Variants in CIMAP2 observed in about 807,000 individuals in gnomAD.
CIMAP2 encodes ciliary microtubule associated protein 2.
At chr1:54,836,067 G>T in the CIMAP2 span, among the ~76,000 whole-genome samples, 309 of 152,124 alleles carry the variant, frequency 2.0e-3, 3 homozygotes, top group African/African-American at 7.3e-3. Flanking sequence ...AGGAAGCTCA[G>T]CATGTGGAGT....
At chr1:54,820,252 C>A in the CIMAP2 span, among the ~76,000 whole-genome samples, 3 of 151,626 alleles carry the variant, frequency 2.0e-5, no homozygotes, top group South Asian at 2.1e-4. Flanking sequence ...ACTGCAGCCT[C>A]GACTTCTCAG....
chr1:54,810,425 C>T, the CIMAP2 span, among the ~76,000 whole-genome samples: 1 of 152,202 alleles, frequency 6.6e-6, no homozygotes, highest in Admixed American at 6.5e-5. Context: ...CCTAACACAC[C>T]ATGCAGGGAT....
the CIMAP2 span, chr1:54,811,765 G>GCCGGGGGGGGGCGCCCCCCCCCCCCCC: frequency 7.7e-7 from 1 of 1,301,332 alleles, no homozygotes; most frequent in Non-Finnish European, 1.1e-6. Context: ...GGTTCTGACA[G>GCCGGGGGGGGGCGCCCCCCCCCCCCCC]CCTCCATGCC....
chr1:54,811,337 G>A, the CIMAP2 span, among the ~76,000 whole-genome samples: 6 of 152,168 alleles, frequency 3.9e-5, no homozygotes, highest in Non-Finnish European at 8.8e-5. Context: ...GGAAGCAGGA[G>A]GAAGGCTTCA....
At chr1:54,835,341 G>A in the CIMAP2 span, among the ~76,000 whole-genome samples, 163 of 151,554 alleles carry the variant, frequency 1.1e-3, 1 homozygote, top group African/African-American at 3.7e-3. Context: ...ACAGGTGTGT[G>A]CCACCACGCC....
the CIMAP2 span, chr1:54,808,010 G>T: frequency 1.3e-6 from 2 of 1,561,916 alleles, no homozygotes; most frequent in Non-Finnish European, 1.7e-6. Context: ...GGACTCACTG[G>T]GGTAGGTGTT....
the CIMAP2 span, chr1:54,814,787 G>T: frequency 6.6e-6 from 9 of 1,369,940 alleles, no homozygotes; most frequent in East Asian, 2.1e-4. Context: ...TACCTCCACC[G>T]TCCTTGGCTC....
chr1:54,819,596 C>G, the CIMAP2 span, among the ~76,000 whole-genome samples: 1 of 152,156 alleles, frequency 6.6e-6, no homozygotes, highest in Non-Finnish European at 1.5e-5. Context: ...GTCTTGAACT[C>G]TTGGGCTCAG....
chr1:54,828,325 AT>A, the CIMAP2 span, among the ~76,000 whole-genome samples: 3,864 of 147,772 alleles, frequency 0.026, 148 homozygotes, highest in African/African-American at 0.079. Context: ...AAAGGATTCC[AT>A]TTTTTTTTTT....
chr1:54,813,272 G>T, the CIMAP2 span, among the ~76,000 whole-genome samples: 40 of 152,204 alleles, frequency 2.6e-4, no homozygotes, highest in South Asian at 1.9e-3. Flanking sequence ...ACAGCAGCCT[G>T]GTCTGTTTGC....
At chr1:54,811,766 C>CCGGCCGGGG in the CIMAP2 span, 1 of 1,305,190 alleles carries the variant, frequency 7.7e-7, no homozygotes, top group Non-Finnish European at 1.1e-6. Flanking sequence ...GTTCTGACAG[C>CCGGCCGGGG]CTCCATGCCC....
chr1:54,820,574 C>T, the CIMAP2 span, among the ~76,000 whole-genome samples: 6 of 152,142 alleles, frequency 3.9e-5, no homozygotes, highest in Non-Finnish European at 7.3e-5. Context: ...CCCTTTTCTC[C>T]ACATCCTTGC....
the CIMAP2 span, chr1:54,806,335 C>A: frequency 1.8e-6 from 2 of 1,109,508 alleles, no homozygotes; most frequent in South Asian, 3.4e-5. Flanking sequence ...AGGGCTGAGC[C>A]TGGCGGGGAG....
the CIMAP2 span, among the ~76,000 whole-genome samples, chr1:54,834,220 G>A: frequency 6.6e-6 from 1 of 152,138 alleles, no homozygotes; most frequent in African/African-American, 2.4e-5. Flanking sequence ...GCTTAAATAG[G>A]GAGTCTTCCC....
At chr1:54,812,199 C>CAGGGGTTGA in the CIMAP2 span, 1 of 1,614,166 alleles carries the variant, frequency 6.2e-7, no homozygotes, top group Admixed American at 1.7e-5. Context: ...GGTGTGTACC[C>CAGGGGTTGA]AGGGGTTGAA....
the CIMAP2 span, chr1:54,811,777 C>CG: frequency 3.9e-6 from 2 of 511,464 alleles, no homozygotes; most frequent in Non-Finnish European, 7.4e-6. Flanking sequence ...CTCCATGCCC[C>CG]CACCCCCGCC....
the CIMAP2 span, chr1:54,807,120 G>A: frequency 6.3e-6 from 10 of 1,575,960 alleles, no homozygotes; most frequent in African/African-American, 9.5e-5. Flanking sequence ...CTCCCACAGG[G>A]TCTGGCCACT....
At chr1:54,837,186 T>C in the CIMAP2 span, among the ~76,000 whole-genome samples, 11 of 152,044 alleles carry the variant, frequency 7.2e-5, no homozygotes, top group African/African-American at 2.7e-4. Flanking sequence ...TCATGTGACC[T>C]TCCTGTTGCA....
the CIMAP2 span, chr1:54,806,305 G>C: frequency 1.5e-6 from 2 of 1,328,410 alleles, no homozygotes; most frequent in Non-Finnish European, 2.0e-6. Flanking sequence ...CCTCGGGAGA[G>C]AGGGTGTCCA....
Sources: gnomAD v4.1 joint callset for allele counts (sites outside exome capture counted in the v4.1 genomes callset) on GRCh38, gnomAD v4.1.1 for gene constraint, MANE v1.5 for transcripts, NCBI Gene and HGNC (gene_info 2026-07-23, HGNC 2026-07-21) for gene names.